Variants in LIN52 observed in about 807,000 individuals in gnomAD.
LIN52 encodes lin-52 DREAM MuvB core complex component.
LIN52 carries 4 observed loss-of-function variants against 18.5 expected under a neutral mutation model. The observed-to-expected ratio is 0.22, with a 90% CI of 0.11 to 0.49. The LOEUF is 0.49. Among genes scored for constraint, LIN52 ranks in the 20% least tolerant of loss-of-function variants. The pLI is 0.97. For synonymous variants in LIN52, 34 were observed against 45.5 expected, an observed-to-expected ratio of 0.75 and a Z score of 1.02; for missense variants, 102 against 139.5, an observed-to-expected ratio of 0.73 and a Z score of 1.35.
At chr14:74,118,638 C>T (rs1457552760) in intron 5 of LIN52, among the ~76,000 whole-genome samples, 1 of 151,330 alleles carries the variant, frequency 6.6e-6, no homozygotes, top group Admixed American at 6.6e-5. Context: ...GCCGGGCCTG[C>T]TGGTGTACAC....
rs545435803 is a variant in LIN52, at chr14:74,109,025, A to G, written c.283+7787A>G. 2.0e-5 allele frequency among the ~76,000 whole-genome samples: 3 copies of G among 152,312 alleles called. No homozygotes were observed. In the East Asian group the frequency reaches 5.8e-4, roughly 29 times the overall value. On this transcript the variant is annotated intron_variant, in intron 5 of 5. Coordinates refer to ENST00000555028, the MANE Select transcript of LIN52 (RefSeq NM_001024674.3). ...GCCTGTGTTTTCTTTTAAGAGTTTTATAATTTTAGATTTAGGTCTTTGATT... is the reference window on the plus strand; with the variant it reads ...GCCTGTGTTTTCTTTTAAGAGTTTTGTAATTTTAGATTTAGGTCTTTGATT...
At chr14:74,164,096 C>T (rs190088419) in intron 5 of LIN52, among the ~76,000 whole-genome samples, 56 of 152,148 alleles carry the variant, frequency 3.7e-4, no homozygotes, top group African/African-American at 1.0e-3. Flanking sequence ...ATTCTCCTGC[C>T]TCAGCCTCCG....
intron 5 of LIN52, among the ~76,000 whole-genome samples, chr14:74,148,586 C>T (rs901792655): frequency 6.6e-6 from 1 of 152,182 alleles, no homozygotes; most frequent in Non-Finnish European, 1.5e-5. Context: ...ACAAATCCTA[C>T]ATATCAACAG....
chr14:74,190,575 A>G (rs953429629), intron 5 of LIN52, among the ~76,000 whole-genome samples: 2 of 151,814 alleles, frequency 1.3e-5, no homozygotes, highest in Non-Finnish European at 2.9e-5. Flanking sequence ...TATTTTTACT[A>G]GAGATGGGGT....
At chr14:74,152,959 C>CAAAAAA (rs1189515836) in intron 5 of LIN52, among the ~76,000 whole-genome samples, 2 of 41,526 alleles carry the variant, frequency 4.8e-5, no homozygotes, top group African/African-American at 8.0e-5. Flanking sequence ...GACTCTGTCT[C>CAAAAAA]AAAAAAAAAA....
chr14:74,088,934 G>C (rs1192143352), intron 1 of LIN52, among the ~76,000 whole-genome samples: 2 of 152,192 alleles, frequency 1.3e-5, no homozygotes, highest in South Asian at 2.1e-4. Context: ...GGTAGAGGCT[G>C]AGTAAGATTT....
chr14:74,123,556 G>A lies in LIN52; in HGVS notation c.283+22318G>A, dbSNP rs1230065454. Among the ~76,000 whole-genome samples the A allele has an allele frequency of 2.0e-5, 3 of 152,150 alleles. No homozygotes were observed. In the East Asian group the frequency reaches 5.8e-4, roughly 29 times the overall value. The stretch of plus-strand genomic sequence containing the variant: ...ATAGATACTAGAGCACAGGGAATTT[G>A]GATCCTTGATCCATAGGTTTTATTT... On this transcript the variant is annotated intron_variant, in intron 5 of 5. Transcript: ENST00000555028.
chr14:74,199,967 A>T lies in LIN52; in HGVS notation c.*990A>T, dbSNP rs1385577323. The T allele has an allele frequency of 6.6e-6, 1 of 152,180 alleles. No homozygotes were observed. The highest frequency in any genetic ancestry group is 6.5e-5 in the Admixed American group (1 of 15,280). The allele number at this position is 152,180 out of a possible 1,614,324, so 9.4% of individuals were successfully genotyped here. ...ATCTTCTGACTTAAATACAACTTTC[A>T]TGGAGTTCTTCACCACTTATCTGTC... On this transcript the variant is annotated 3_prime_UTR_variant, in exon 6 of 6. Transcript: ENST00000555028.
rs146441408 is a variant in LIN52 at position 74,164,477 on chromosome 14, G to A, written c.284-34445G>A. On this transcript the variant is annotated intron_variant, in intron 5 of 5. Coordinates refer to ENST00000555028, the MANE Select transcript of LIN52 (RefSeq NM_001024674.3). ...TTTTTATATTTTTTGGTAGAGACAG[G>A]GTTTCACCATGTTGTCCAGGCTGGT... 2.8e-3 allele frequency among the ~76,000 whole-genome samples: 418 copies of A among 151,660 alleles called. 3 individuals are homozygous for A. Among genetic ancestry groups the A allele is most frequent in the African/African-American group, 9.9e-3 (408 of 41,326 alleles).
intron 5 of LIN52, among the ~76,000 whole-genome samples, chr14:74,161,184 A>G (rs1418158162): frequency 6.6e-6 from 1 of 151,884 alleles, no homozygotes; most frequent in Non-Finnish European, 1.5e-5. Flanking sequence ...AACAGGGAAA[A>G]ATTTATTTAT....
At chr14:74,112,766 T>C (rs2300192) in intron 5 of LIN52, among the ~76,000 whole-genome samples, 34,209 of 152,094 alleles carry the variant, frequency 0.22, 4,180 homozygotes, top group South Asian at 0.46. Flanking sequence ...CAAGGCTATG[T>C]AGGGGATAGG....
intron 5 of LIN52, among the ~76,000 whole-genome samples, chr14:74,185,068 A>T (rs2061335293): frequency 6.6e-6 from 1 of 151,894 alleles, no homozygotes; most frequent in East Asian, 1.9e-4. Context: ...CCAGATTTGG[A>T]ATCTTATCCA....
intron 5 of LIN52, among the ~76,000 whole-genome samples, chr14:74,121,168 AGAGCATT>A (rs2060997652): frequency 6.6e-6 from 1 of 152,252 alleles, no homozygotes; most frequent in Admixed American, 6.5e-5. Context: ...TTCTATCAGC[AGAGCATT>A]GACCTAAATC....
At chr14:74,176,420 C>CT (rs201746376) in intron 5 of LIN52, among the ~76,000 whole-genome samples, 17 of 149,520 alleles carry the variant, frequency 1.1e-4, no homozygotes, top group South Asian at 2.1e-4. Flanking sequence ...CTATAGTTAA[C>CT]TTTTTTTTTT....
At chr14:74,177,462 A>G (rs1197750644) in intron 5 of LIN52, among the ~76,000 whole-genome samples, 1 of 150,862 alleles carries the variant, frequency 6.6e-6, no homozygotes, top group Non-Finnish European at 1.5e-5. Context: ...TGAGAATAAC[A>G]TATCATGCAA....
intron 5 of LIN52, among the ~76,000 whole-genome samples, chr14:74,168,286 T>A (rs2061257702): frequency 6.6e-6 from 1 of 152,222 alleles, no homozygotes; most frequent in African/African-American, 2.4e-5. Flanking sequence ...AATCTTACAG[T>A]CCTCTCTGTT....
chr14:74,092,466 G>A (rs1445584476), intron 2 of LIN52, among the ~76,000 whole-genome samples: 1 of 149,518 alleles, frequency 6.7e-6, no homozygotes, highest in East Asian at 2.0e-4. Context: ...CGCAATGCCC[G>A]GCTAATTTTT....
chr14:74,106,930 T>A (rs1294448207), intron 5 of LIN52, among the ~76,000 whole-genome samples: 1 of 152,184 alleles, frequency 6.6e-6, no homozygotes, highest in African/African-American at 2.4e-5. Flanking sequence ...TCTCTTTGTC[T>A]TTTGCTCATA....
At chr14:74,180,169 C>A (rs1406530153) in intron 5 of LIN52, among the ~76,000 whole-genome samples, 6 of 152,070 alleles carry the variant, frequency 3.9e-5, no homozygotes, top group Non-Finnish European at 2.9e-5. Context: ...GGGGAAAGTA[C>A]TCCATATTTG....
Sources: allele counts gnomAD v4.1 joint callset (sites outside exome capture counted in the v4.1 genomes callset), GRCh38; gene constraint gnomAD v4.1.1; transcripts MANE v1.5; gene names NCBI Gene and HGNC (gene_info 2026-07-23, HGNC 2026-07-21).